The following CACNA2D3 variants were observed in gnomAD, a reference collection of about 807,000 sequenced individuals.
The protein encoded by CACNA2D3 is voltage-dependent calcium channel subunit alpha-2/delta-3.
CACNA2D3 carries 60 observed loss-of-function variants against 160.6 expected under a neutral mutation model. The observed-to-expected ratio is 0.37, with a 90% CI of 0.30 to 0.46. The LOEUF is 0.46. Ranked by LOEUF, CACNA2D3 falls within the 20% of genes least tolerant of loss-of-function variation. The pLI is 1.00. For synonymous variants in CACNA2D3, 558 were observed against 492.9 expected (o/e 1.13, Z -1.75); for missense variants, 1,205 against 1,365.0 (o/e 0.88, Z 1.85).
intron 14 of CACNA2D3, among the ~76,000 whole-genome samples, chr3:54,825,837 A>G (rs370801981): frequency 4.3e-4 from 66 of 152,332 alleles, no homozygotes; most frequent in African/African-American, 7.0e-4. Flanking sequence ...TATCAAATCA[A>G]TGTGAAATCA....
intron 11 of CACNA2D3, among the ~76,000 whole-genome samples, chr3:54,701,619 C>T (rs1360900643): frequency 6.6e-6 from 1 of 152,120 alleles, no homozygotes; most frequent in Admixed American, 6.5e-5. Flanking sequence ...TGGGAAAACA[C>T]TTTATGCTCA....
In CACNA2D3 at chr3:54,963,765, G is replaced by A. The variant is rs1269247860; in HGVS notation, c.2450-4685G>A. 3.9e-5 allele frequency among the ~76,000 whole-genome samples: 6 copies of A among 152,272 alleles called. No homozygotes were observed. The South Asian group carries it at 8.3e-4, about 21-fold the overall frequency. ...CCCTCCCCAGGCCTGTACCCCTGGC[G>A]GTTGTGTCTCTCACATCTTTTTCTC... On this transcript the variant is annotated intron_variant, in intron 27 of 37. Coordinates refer to ENST00000474759, the MANE Select transcript of CACNA2D3 (RefSeq NM_018398.3).
At chr3:54,492,094 A>G (rs1701119966) in intron 4 of CACNA2D3, among the ~76,000 whole-genome samples, 2 of 152,140 alleles carry the variant, frequency 1.3e-5, no homozygotes, top group South Asian at 4.1e-4. Flanking sequence ...ATTAGGCCAG[A>G]GCTGCTGGAT....
At chr3:55,015,770 G>A (rs549591731) in intron 34 of CACNA2D3, among the ~76,000 whole-genome samples, 3 of 152,164 alleles carry the variant, frequency 2.0e-5, no homozygotes, top group African/African-American at 4.8e-5. Context: ...GGAGAGGAGA[G>A]CAAATGAGAG....
chr3:54,275,854 G>C (rs1205763988), intron 2 of CACNA2D3, among the ~76,000 whole-genome samples: 3 of 149,980 alleles, frequency 2.0e-5, no homozygotes, highest in Admixed American at 6.7e-5. Flanking sequence ...CTGACCTCAG[G>C]TGATCTGCCG....
At chr3:54,288,028 C>G (rs980359366) in intron 2 of CACNA2D3, among the ~76,000 whole-genome samples, 13 of 151,772 alleles carry the variant, frequency 8.6e-5, no homozygotes, top group Non-Finnish European at 1.2e-4. Flanking sequence ...AAAGCAAGAG[C>G]AAACACATTC....
At chr3:54,378,850 T>C (rs1339087040) in intron 3 of CACNA2D3, among the ~76,000 whole-genome samples, 1 of 152,246 alleles carries the variant, frequency 6.6e-6, no homozygotes, top group Non-Finnish European at 1.5e-5. Context: ...TTTGCAAATG[T>C]TGCACTTTGG....
chr3:54,449,219 G>C (rs1700267564), intron 4 of CACNA2D3, among the ~76,000 whole-genome samples: 1 of 152,136 alleles, frequency 6.6e-6, no homozygotes. Context: ...CAAACCACAA[G>C]AGAGAGAGCG....
At chr3:54,854,199 A>G (rs1387293975) in intron 17 of CACNA2D3, among the ~76,000 whole-genome samples, 5 of 152,220 alleles carry the variant, frequency 3.3e-5, no homozygotes, top group Admixed American at 1.3e-4. Flanking sequence ...AAAAATAAAC[A>G]AGACTGTGTG....
At chr3:54,608,003 G>A (rs1575378469) in intron 9 of CACNA2D3, among the ~76,000 whole-genome samples, 2 of 105,178 alleles carry the variant, frequency 1.9e-5, no homozygotes, top group African/African-American at 9.1e-5. Context: ...GGGACTAGGA[G>A]TGGAGGGGAG....
intron 2 of CACNA2D3, among the ~76,000 whole-genome samples, chr3:54,142,233 C>G (rs890464593): frequency 2.6e-5 from 4 of 152,210 alleles, no homozygotes; most frequent in African/African-American, 9.6e-5. Flanking sequence ...AGGGACTTAT[C>G]CTGTACTTTC....
chr3:54,471,714 G>A (rs111969626), intron 4 of CACNA2D3, among the ~76,000 whole-genome samples: 70,150 of 151,744 alleles, frequency 0.46, 16,917 homozygotes, highest in Non-Finnish European at 0.54. Flanking sequence ...AATAATAAAG[G>A]GGATATCACC....
chr3:54,379,081 T>G (rs1055374775), intron 3 of CACNA2D3, among the ~76,000 whole-genome samples: 3 of 152,178 alleles, frequency 2.0e-5, no homozygotes, highest in African/African-American at 7.2e-5. Context: ...CTGAAGGAGA[T>G]AGGAAAGGGG....
At chr3:54,468,863 C>A (rs373464573) in intron 4 of CACNA2D3, among the ~76,000 whole-genome samples, 3 of 152,136 alleles carry the variant, frequency 2.0e-5, no homozygotes, top group Non-Finnish European at 4.4e-5. Flanking sequence ...CCACTGTAGC[C>A]GGACTGCCTC....
intron 5 of CACNA2D3, among the ~76,000 whole-genome samples, chr3:54,529,080 G>A (rs1453685364): frequency 6.6e-6 from 1 of 152,212 alleles, no homozygotes; most frequent in Non-Finnish European, 1.5e-5. Flanking sequence ...AGTTCAGTGA[G>A]CCAGCACAGT....
chr3:54,409,214 T>A (rs1470386384), intron 4 of CACNA2D3, among the ~76,000 whole-genome samples: 2 of 152,232 alleles, frequency 1.3e-5, no homozygotes, highest in Admixed American at 1.3e-4. Context: ...TGTCACACTT[T>A]GGTAATTCTC....
chr3:54,848,146 T>C (rs1017097422), intron 17 of CACNA2D3, among the ~76,000 whole-genome samples: 1 of 152,212 alleles, frequency 6.6e-6, no homozygotes, highest in African/African-American at 2.4e-5. Flanking sequence ...AACATTTGCC[T>C]AGCAGTCTTT....
intron 9 of CACNA2D3, among the ~76,000 whole-genome samples, chr3:54,595,999 C>A (rs1311297351): frequency 6.6e-6 from 1 of 152,084 alleles, no homozygotes; most frequent in Non-Finnish European, 1.5e-5. Context: ...CAATTTTAAC[C>A]AATTTGGCTA....
chr3:54,683,730 T>TAG (rs1304931966), intron 11 of CACNA2D3, among the ~76,000 whole-genome samples: 1 of 152,110 alleles, frequency 6.6e-6, no homozygotes, highest in African/African-American at 2.4e-5. Flanking sequence ...CCTAAAACAA[T>TAG]AGACATTTAT....
Sources: gnomAD v4.1 joint callset for allele counts (sites outside exome capture counted in the v4.1 genomes callset) on GRCh38, gnomAD v4.1.1 for gene constraint, MANE v1.5 for transcripts, NCBI Gene and HGNC (gene_info 2026-07-23, HGNC 2026-07-21) for gene names.